VCAN: variants seen among roughly 807,000 people sequenced by gnomAD.
The protein encoded by VCAN is versican core protein.
VCAN carries 44 observed loss-of-function variants against 245.5 expected under a neutral mutation model. The ratio of observed to expected loss-of-function variants is 0.18; its 90% CI spans 0.14 to 0.23. VCAN has a LOEUF of 0.23. Ranked by LOEUF, VCAN falls within the 10% of genes least tolerant of loss-of-function variation. VCAN has a pLI of 1.00. For synonymous variants in VCAN, 1,413 were observed against 1,437.0 expected (o/e 0.98, Z 0.38); for missense variants, 3,793 against 4,057.9 (o/e 0.93, Z 1.77).
At chr5:83,525,862 T>C (rs547789059) in intron 7 of VCAN, among the ~76,000 whole-genome samples, 2 of 152,118 alleles carry the variant, frequency 1.3e-5, no homozygotes, top group East Asian at 1.9e-4. Context: ...ATGGAGAGGA[T>C]AAAGAACAAG....
At chr5:83,510,985 G>C (rs1294050399) in intron 5 of VCAN, among the ~76,000 whole-genome samples, 1 of 152,166 alleles carries the variant, frequency 6.6e-6, no homozygotes, top group African/African-American at 2.4e-5. Flanking sequence ...GTGGTGGCAG[G>C]TGCCTGTAAT....
At position 83,539,555 on chromosome 5, in the gene VCAN, T is replaced by A. The variant is rs779908463; in HGVS notation, c.6552T>A (p.Asp2184Glu). The change falls in exon 8 of 15, where the codon GAT becomes GAA. Residue 2184 changes from aspartate (D) to glutamate (E), a missense_variant. By Grantham distance (45) the Asp-to-Glu change is conservative. Transcript: ENST00000265077. ...CTTTAGTTAACATGTCTACTCCAGA[T>A]CCAGATGCAAATGGCTTGGAATCTT... is the stretch of plus-strand genomic sequence containing the variant. ...DTSLVNMSTPDPDANGLESYT... is the reference protein window; with the variant it reads ...DTSLVNMSTPEPDANGLESYT... 45 of 1,613,954 alleles carry A rather than the reference T, an allele frequency of 2.8e-5. No individual in the cohort carries two copies. The highest frequency in any genetic ancestry group is 3.5e-5 in the Non-Finnish European group (41 of 1,180,000).
rs115336789 is a variant in VCAN, at chr5:83,519,706, C to T, written c.1400C>T (p.Ser467Phe). 2.5e-4 allele frequency: 398 copies of T among 1,614,122 alleles called. 2 individuals are homozygous for T. The African/African-American group carries it at 4.8e-3, about 19-fold the overall frequency. Reference sequence around the variant, plus strand: ...GTGCTCCAGAGTACAACTGGCGTCTCTCATTATGCTACGGATTCATGGGAT... The same window carrying T: ...GTGCTCCAGAGTACAACTGGCGTCTTTCATTATGCTACGGATTCATGGGAT... ...EEVLQSTTGV[S>F]HYATDSWDGV... is the part of the protein sequence containing the mutation. Residue 467 changes from serine to phenylalanine, a missense_variant, in exon 7 of 15, where the codon TCT becomes TTT. Physicochemically the swap from Ser to Phe is radical, Grantham distance 155. Coordinates refer to ENST00000265077, the MANE Select transcript of VCAN (RefSeq NM_004385.5).
chr5:83,523,575 G>A (rs777897436), intron 7 of VCAN, among the ~76,000 whole-genome samples: 2 of 152,050 alleles, frequency 1.3e-5, no homozygotes, highest in South Asian at 4.2e-4. Context: ...AGTGCTGTTG[G>A]TGGACACTTC....
intron 7 of VCAN, among the ~76,000 whole-genome samples, chr5:83,530,746 G>A (rs1746486387): frequency 6.6e-6 from 1 of 152,024 alleles, no homozygotes; most frequent in African/African-American, 2.4e-5. Flanking sequence ...GGTGAGGGTG[G>A]GATGGATGAG....
At chr5:83,528,269 G>A (rs1746375798) in intron 7 of VCAN, among the ~76,000 whole-genome samples, 1 of 152,132 alleles carries the variant, frequency 6.6e-6, no homozygotes, top group African/African-American at 2.4e-5. Context: ...TGAGAAAGAG[G>A]AGACTTACGT....
At chr5:83,483,421 T>C in intron 1 of VCAN, 92 bp from the exon 2 acceptor site, 1 of 995,240 alleles carries the variant, frequency 1.0e-6, no homozygotes, top group Non-Finnish European at 1.6e-6. Flanking sequence ...AATACTACCC[T>C]TATTACATAC....
chr5:83,537,609 C>T lies in VCAN; in HGVS notation c.4606C>T (p.His1536Tyr), dbSNP rs1282968252. The T allele has an allele frequency of 1.9e-6, 3 of 1,613,674 alleles. No individual in the cohort carries two copies. The highest frequency in any genetic ancestry group is 2.7e-5 in the African/African-American group (2 of 74,916). Reference protein sequence around the residue: ...DTEVGHQAHEHTEPVSLFPEE... With the variant: ...DTEVGHQAHEYTEPVSLFPEE... ...TGAAGTTGGTCATCAGGCACATGAA[C>T]ATACTGAACCTGTATCTCTGTTTCC... Residue 1536 changes from histidine to tyrosine, a missense_variant, in exon 8 of 15, where the codon CAT becomes TAT. By Grantham distance (83) the His-to-Tyr change is moderately conservative. Around this residue, in one of 5 missense-constraint regions of VCAN, gnomAD observed 3,182 missense variants for 3,250.3 expected, o/e 0.98. Coordinates refer to ENST00000265077, the MANE Select transcript of VCAN (RefSeq NM_004385.5).
chr5:83,573,614 T>C (rs1382069030), intron 13 of VCAN, among the ~76,000 whole-genome samples: 3 of 152,166 alleles, frequency 2.0e-5, no homozygotes, highest in African/African-American at 7.2e-5. Flanking sequence ...TATAAAAACA[T>C]GACAGCGTGC....
At chr5:83,545,781 TA>T in intron 9 of VCAN, 131 bp downstream of exon 9, 1 of 802,348 alleles carries the variant, frequency 1.2e-6, no homozygotes, top group Non-Finnish European at 2.1e-6. Context: ...TAAATGAAGT[TA>T]AAATCTGAGG....
intron 5 of VCAN, among the ~76,000 whole-genome samples, chr5:83,501,567 C>A (rs185752706): frequency 4.0e-4 from 61 of 152,222 alleles, no homozygotes; most frequent in African/African-American, 1.4e-3. Flanking sequence ...CATTTAATGA[C>A]CTTGGCACCC....
intron 7 of VCAN, chr5:83,535,747 C>A (rs1356752736): frequency 3.9e-5 from 6 of 152,142 alleles, no homozygotes; most frequent in Admixed American, 2.6e-4. Flanking sequence ...AGGGTTGGCT[C>A]CGTCATAATG....
chr5:83,481,230 G>A (rs1744601012), intron 1 of VCAN, among the ~76,000 whole-genome samples: 1 of 149,866 alleles, frequency 6.7e-6, no homozygotes. Flanking sequence ...TAATTAAAGA[G>A]AGATCTTTAA....
At chr5:83,550,431 G>A (rs190180989) in intron 10 of VCAN, among the ~76,000 whole-genome samples, 39 of 152,180 alleles carry the variant, frequency 2.6e-4, no homozygotes, top group Non-Finnish European at 5.0e-4. Context: ...ATCCACAAAG[G>A]TTGCCTTTTA....
At chr5:83,544,522 A>G (rs976600775) in intron 8 of VCAN, among the ~76,000 whole-genome samples, 1 of 152,138 alleles carries the variant, frequency 6.6e-6, no homozygotes, top group African/African-American at 2.4e-5. Flanking sequence ...ATGTGTAATT[A>G]TTTCAGGGTT....
chr5:83,520,105 T>C lies in VCAN; in HGVS notation c.1799T>C (p.Val600Ala). The change falls in exon 7 of 15, where the codon GTC becomes GCC. Residue 600 changes from valine to alanine, a missense_variant. Physicochemically the swap from Val to Ala is moderately conservative, Grantham distance 64 (BLOSUM62 0). Coordinates refer to ENST00000265077, the MANE Select transcript of VCAN (RefSeq NM_004385.5). ...ACTCATTTAGAAGACTTGGAGTCAGTCTCAGCATCCACAACTGTTTCCCCT... is the reference window on the plus strand; with the variant it reads ...ACTCATTTAGAAGACTTGGAGTCAGCCTCAGCATCCACAACTGTTTCCCCT... ...IHTHLEDLES[V>A]SASTTVSPLI... 6.2e-7 allele frequency: 1 copy of C among 1,614,046 alleles called. No homozygotes were observed. The highest frequency in any genetic ancestry group is 8.5e-7 in the Non-Finnish European group (1 of 1,179,976).
Position 83,519,489 on chromosome 5 carries a change from T to G in VCAN, c.1183T>G (p.Phe395Val). The change falls in exon 7 of 15, where the codon TTC (phenylalanine) becomes GTC (valine). Residue 395 changes from phenylalanine (F) to valine (V), a missense_variant. Phe to Val is a conservative substitution (Grantham distance 50). Coordinates refer to ENST00000265077, the MANE Select transcript of VCAN (RefSeq NM_004385.5). ...TGAATTACCTGTCATTCCAACAGAGTTCCCTCCCGTGGGAAATATTGTCAG... is the reference window on the plus strand; with the variant it reads ...TGAATTACCTGTCATTCCAACAGAGGTCCCTCCCGTGGGAAATATTGTCAG... Reference protein sequence around the residue: ...VDELPVIPTEFPPVGNIVSFE... With the variant: ...VDELPVIPTEVPPVGNIVSFE... 3 of 1,614,012 alleles carry G rather than the reference T, an allele frequency of 1.9e-6. No individual in the cohort carries two copies. The highest frequency in any genetic ancestry group is 2.2e-5 in the South Asian group (2 of 91,080).
intron 5 of VCAN, among the ~76,000 whole-genome samples, chr5:83,494,802 C>G (rs948912792): frequency 6.6e-6 from 1 of 151,728 alleles, no homozygotes; most frequent in Admixed American, 6.6e-5. Flanking sequence ...AATGCCAAAA[C>G]TTAGCTAGGT....
chr5:83,572,890 TTTATTTATTTA>T (rs1184257576), intron 13 of VCAN, among the ~76,000 whole-genome samples: 14 of 150,078 alleles, frequency 9.3e-5, no homozygotes, highest in African/African-American at 3.4e-4. Flanking sequence ...TATTTATTTA[TTTATTTATTTA>T]TTATTATTAT....
Sources: allele counts gnomAD v4.1 joint callset (sites outside exome capture counted in the v4.1 genomes callset), GRCh38; gene constraint gnomAD v4.1.1; regional missense constraint gnomAD v4.1.1; transcripts MANE v1.5; gene names NCBI Gene and HGNC (gene_info 2026-07-23, HGNC 2026-07-21).